The following P3H1 variants were observed in gnomAD, a reference collection of about 807,000 sequenced individuals.
P3H1 encodes the protein growth suppressor 1.
A neutral mutation model predicts 84.0 loss-of-function variants in P3H1; 69 were observed. The observed-to-expected ratio is 0.82, with a 90% confidence interval of 0.68 to 1.00. P3H1 has a LOEUF of 1.00. Among genes scored for constraint, P3H1 ranks in the 50% least tolerant of loss-of-function variants. P3H1 has a pLI of 0.00. For missense variants in P3H1, 878 were observed against 962.8 expected, an observed-to-expected ratio of 0.91 and a Z score of 1.17; for synonymous variants, 366 against 388.8, an observed-to-expected ratio of 0.94 and a Z score of 0.69.
At chr1:42,753,144 T>C (rs192344712) in intron 8 of P3H1, among the ~76,000 whole-genome samples, 1 of 152,352 alleles carries the variant, frequency 6.6e-6, no homozygotes, top group East Asian at 1.9e-4. Flanking sequence ...CTTAGTACAA[T>C]ATTTGGCATA....
chr1:42,762,955 A>G (rs923070105), intron 1 of P3H1, among the ~76,000 whole-genome samples: 1 of 151,896 alleles, frequency 6.6e-6, no homozygotes. Flanking sequence ...ACATGGTACT[A>G]TATGCCTGTA....
chr1:42,746,619 C>T lies in P3H1; in HGVS notation c.*78G>A, dbSNP rs1651720131. 7 of 1,259,396 alleles carry T rather than the reference C, an allele frequency of 5.6e-6. No homozygotes were observed. The highest frequency in any genetic ancestry group is 5.1e-5 in the East Asian group (2 of 39,520). 78.0% of individuals were successfully genotyped at this position (1,259,396 alleles called of 1,614,324 possible). A position where few individuals can be genotyped will look rare whatever the true frequency, so the allele number is the denominator to read the frequency against. ...ATGTAGGCTCACTGCTCTGCAGCCC[C>T]GAGGGGCTGGCCAGCTCAGAGTGCA... On this transcript the variant is annotated 3_prime_UTR_variant, in exon 15 of 15. Coordinates refer to ENST00000296388, the MANE Select transcript of P3H1 (RefSeq NM_022356.4).
In P3H1 at chr1:42,754,768, G is replaced by A. The variant is rs1570467496; in HGVS notation, c.1345+101C>T. Reference sequence around the variant, plus strand: ...ACCCTAAGGGTGGCTGGCTCATGGTGAGCTCTGCAATGCTGGGGTGGAGCG... The same window carrying A: ...ACCCTAAGGGTGGCTGGCTCATGGTAAGCTCTGCAATGCTGGGGTGGAGCG... On this transcript the variant is annotated intron_variant, in intron 8 of 14. Coordinates refer to ENST00000296388, the MANE Select transcript of P3H1 (RefSeq NM_022356.4). The surrounding 1 kb of genome is among the most constrained non-coding windows in gnomAD (Gnocchi z 4.0). 3 of 1,519,058 alleles carry A rather than the reference G, an allele frequency of 2.0e-6. No homozygotes were observed. The East Asian group carries it at 6.8e-5, about 35-fold the overall frequency. 94.1% of individuals were successfully genotyped at this position (1,519,058 alleles called of 1,614,324 possible).
Position 42,754,347 on chromosome 1 carries a change from C to T in P3H1, c.1345+522G>A, listed in dbSNP as rs575668381. 9.9e-5 allele frequency among the ~76,000 whole-genome samples: 15 copies of T among 152,186 alleles called. No individual in the cohort carries two copies. The highest frequency in any genetic ancestry group is 2.2e-4 in the African/African-American group (9 of 41,530). The stretch of plus-strand genomic sequence containing the variant: ...GGCCTTCCCAGCAGCTTGCAGAAAA[C>T]GGGCACAGGAGGAAGAGGAGCCAAA... On this transcript the variant is annotated intron_variant, in intron 8 of 14. Transcript: ENST00000296388. The surrounding 1 kb of genome is among the most constrained non-coding windows in gnomAD (Gnocchi z 4.0).
intron 8 of P3H1, among the ~76,000 whole-genome samples, chr1:42,753,270 A>T (rs1165409351): frequency 6.6e-6 from 1 of 152,236 alleles, no homozygotes; most frequent in Non-Finnish European, 1.5e-5. Flanking sequence ...AGAAATAACA[A>T]AGTGAAAGTG....
intron 5 of P3H1, among the ~76,000 whole-genome samples, chr1:42,756,063 C>T (rs144184563): frequency 6.6e-5 from 10 of 152,278 alleles, no homozygotes; most frequent in East Asian, 5.8e-4. Context: ...TTTATAGCCA[C>T]ATCTGAGGTT....
chr1:42,748,802 T>G, intron 11 of P3H1: 1 of 257,208 alleles, frequency 3.9e-6, no homozygotes, highest in South Asian at 4.7e-5. Context: ...GGAGAAACCA[T>G]GCAGGGAGAA....
chr1:42,762,084 T>C (rs908139741), intron 2 of P3H1: 4 of 493,194 alleles, frequency 8.1e-6, no homozygotes, highest in Admixed American at 3.3e-5. Context: ...TCATTACTTC[T>C]GTAATGTAAT....
Position 42,746,688 on chromosome 1 carries a change from T to C in P3H1, c.*9A>G. On this transcript the variant is annotated 3_prime_UTR_variant, in exon 15 of 15. Coordinates refer to ENST00000296388, the MANE Select transcript of P3H1 (RefSeq NM_022356.4). ...GGTCTAGTCACCCATCCGTCTGACC[T>C]GGACGCTGTCATAGCTCATCCTTGG... 6.5e-7 allele frequency: 1 copy of C among 1,549,724 alleles called. No homozygotes were observed. Among genetic ancestry groups the C allele is most frequent in the East Asian group, 2.4e-5 (1 of 40,908 alleles).
At chr1:42,757,479 G>A (rs1442261810) in intron 5 of P3H1, among the ~76,000 whole-genome samples, 1 of 152,206 alleles carries the variant, frequency 6.6e-6, no homozygotes, top group Non-Finnish European at 1.5e-5. Context: ...AATATCGAGT[G>A]TCCAAGTTAG....
intron 11 of P3H1, 38 bp downstream of exon 11, chr1:42,750,148 C>T (rs1449969142): frequency 2.1e-5 from 34 of 1,603,398 alleles, no homozygotes; most frequent in Non-Finnish European, 2.8e-5. Flanking sequence ...TGAGGTACAG[C>T]ATGCGGGGGC....
intron 1 of P3H1, among the ~76,000 whole-genome samples, chr1:42,763,950 G>A (rs528761242): frequency 1.1e-4 from 17 of 151,546 alleles, no homozygotes; most frequent in Non-Finnish European, 1.5e-4. Context: ...TGAGACCAGC[G>A]GATCATGAGG....
chr1:42,754,807 G>T lies in P3H1; in HGVS notation c.1345+62C>A. The T allele has an allele frequency of 6.2e-7, 1 of 1,611,672 alleles. No individual in the cohort carries two copies. The highest frequency in any genetic ancestry group is 8.5e-7 in the Non-Finnish European group (1 of 1,178,338). On this transcript the variant is annotated intron_variant, in intron 8 of 14. Transcript: ENST00000296388. The surrounding 1 kb of genome is among the most constrained non-coding windows in gnomAD (Gnocchi z 4.0). The stretch of plus-strand genomic sequence containing the variant: ...TGGGGTGGAGCGCTGCCTGGCAAAT[G>T]TGGGGTGACCTGCCTGGCTCCCTGA...
intron 7 of P3H1, 57 bp from the exon 8 acceptor site, chr1:42,755,047 C>T (rs1192096074): frequency 4.3e-6 from 7 of 1,614,024 alleles, no homozygotes; most frequent in East Asian, 4.5e-5. Context: ...GGCTCCACCC[C>T]GACTTCCCAA....
At chr1:42,748,593 G>A (rs1216371449) in intron 11 of P3H1, 2 of 463,620 alleles carry the variant, frequency 4.3e-6, no homozygotes, top group Non-Finnish European at 8.0e-6. Flanking sequence ...ACCCTGGTTT[G>A]TAGCTGGACT....
intron 1 of P3H1, 69 bp downstream of exon 1, chr1:42,766,438 C>T: frequency 7.3e-7 from 1 of 1,377,360 alleles, no homozygotes; most frequent in Non-Finnish European, 1.0e-6. Flanking sequence ...CCCCCAAGCT[C>T]CTCAGGTCCC....
At chr1:42,759,782 A>G (rs1176112737) in intron 2 of P3H1, among the ~76,000 whole-genome samples, 1 of 151,824 alleles carries the variant, frequency 6.6e-6, no homozygotes. Flanking sequence ...GGGTTTCACC[A>G]TGTTGGCCAG....
At chr1:42,761,588 T>C (rs1466260958) in intron 2 of P3H1, 2 of 152,182 alleles carry the variant, frequency 1.3e-5, no homozygotes, top group Non-Finnish European at 2.9e-5. Context: ...TAATGTTAGT[T>C]AAAAAATGAT....
At chr1:42,746,978 A>T (rs768473209) in intron 14 of P3H1, 126 bp from the exon 15 acceptor site, 26 of 1,614,052 alleles carry the variant, frequency 1.6e-5, no homozygotes, top group Admixed American at 3.3e-5. Context: ...CCTTCCCAGC[A>T]GGTCCTACTC....
Sources: allele counts gnomAD v4.1 joint callset (sites outside exome capture counted in the v4.1 genomes callset), GRCh38; gene constraint gnomAD v4.1.1; non-coding constraint Gnocchi (gnomAD v3.1); transcripts MANE v1.5; gene names NCBI Gene and HGNC (gene_info 2026-07-23, HGNC 2026-07-21).